ARHGAP26: variants seen among roughly 807,000 people sequenced by gnomAD.
ARHGAP26 encodes Rho GTPase activating protein 26.
ARHGAP26 carries 38 observed loss-of-function variants against 104.8 expected under a neutral mutation model. The observed-to-expected ratio is 0.36, with a 90% CI of 0.28 to 0.48. The LOEUF (loss-of-function observed/expected upper bound fraction) is 0.48, where lower values mean the gene tolerates loss of function less well. Among genes scored for constraint, ARHGAP26 ranks in the 20% least tolerant of loss-of-function variants. The pLI is 0.99. For synonymous variants in ARHGAP26, 341 were observed against 340.0 expected, an observed-to-expected ratio of 1.00 and a Z score of -0.03; for missense variants, 704 against 947.9, an observed-to-expected ratio of 0.74 and a Z score of 3.38.
intron 12 of ARHGAP26, among the ~76,000 whole-genome samples, chr5:143,032,285 G>C (rs1445876935): frequency 6.6e-6 from 1 of 151,752 alleles, no homozygotes; most frequent in African/African-American, 2.4e-5. Context: ...CTGAGGCTGA[G>C]GGAGGGAAGT....
At chr5:142,966,335 TA>T (rs1307725901) in intron 11 of ARHGAP26, among the ~76,000 whole-genome samples, 1 of 152,216 alleles carries the variant, frequency 6.6e-6, no homozygotes, top group African/African-American at 2.4e-5. Flanking sequence ...AACTTTGTAT[TA>T]TTTTTTTTAA....
intron 21 of ARHGAP26, among the ~76,000 whole-genome samples, chr5:143,212,999 G>A (rs1175715248): frequency 1.3e-5 from 2 of 152,164 alleles, no homozygotes; most frequent in Non-Finnish European, 1.5e-5. Flanking sequence ...CAATAAATTA[G>A]CCAGGCTTGG....
At chr5:143,138,098 ACTCT>A (rs1253181235) in intron 19 of ARHGAP26, among the ~76,000 whole-genome samples, 2 of 150,118 alleles carry the variant, frequency 1.3e-5, no homozygotes, top group African/African-American at 4.9e-5. Flanking sequence ...CCTGCCTGCG[ACTCT>A]CTCTCTTTAA....
intron 17 of ARHGAP26, among the ~76,000 whole-genome samples, chr5:143,084,030 C>T (rs922860629): frequency 2.6e-5 from 4 of 152,192 alleles, no homozygotes; most frequent in East Asian, 1.9e-4. Flanking sequence ...AGGCTCTCGC[C>T]GTCCACGTCA....
chr5:143,061,479 C>T (rs1296151211), intron 17 of ARHGAP26, among the ~76,000 whole-genome samples: 2 of 152,188 alleles, frequency 1.3e-5, no homozygotes, highest in South Asian at 2.1e-4. Flanking sequence ...TACCTTTTCA[C>T]AGCTGGTTTT....
At chr5:143,148,879 A>G (rs1799467783) in intron 20 of ARHGAP26, among the ~76,000 whole-genome samples, 2 of 152,324 alleles carry the variant, frequency 1.3e-5, no homozygotes, top group African/African-American at 4.8e-5. Context: ...TTGAATTTCT[A>G]GCCCAAGTTG....
Position 143,207,363 on chromosome 5 carries a change from T to A in ARHGAP26, c.2099+55T>A, listed in dbSNP as rs772940874. 1.9e-6 allele frequency: 3 copies of A among 1,614,070 alleles called. No individual in the cohort carries two copies. In the African/African-American group the frequency reaches 4.0e-5, roughly 22 times the overall value. On this transcript the variant is annotated intron_variant, in intron 21 of 22. Transcript: ENST00000645722. ...TTGCTGCCGTTGTTCTCTCATTGGC[T>A]CGGTCCTCTCTTCATGCAGTGTTCA...
chr5:143,107,682 G>A (rs1346055667), intron 17 of ARHGAP26, among the ~76,000 whole-genome samples: 1 of 152,156 alleles, frequency 6.6e-6, no homozygotes, highest in Non-Finnish European at 1.5e-5. Context: ...TGTGAATGTT[G>A]GGTGGATCAG....
chr5:143,070,371 C>A (rs533022678), intron 17 of ARHGAP26, among the ~76,000 whole-genome samples: 1 of 152,156 alleles, frequency 6.6e-6, no homozygotes, highest in Non-Finnish European at 1.5e-5. Flanking sequence ...TGTAGATTAT[C>A]CCTTCTTTGT....
chr5:142,868,707 C>G (rs1754756004), intron 1 of ARHGAP26: 1 of 152,662 alleles, frequency 6.6e-6, no homozygotes, highest in Non-Finnish European at 1.5e-5. Flanking sequence ...TCGGCTGGCT[C>G]TCTGGGGAGA....
chr5:142,984,753 A>G (rs1436236347), intron 11 of ARHGAP26, among the ~76,000 whole-genome samples: 1 of 152,198 alleles, frequency 6.6e-6, no homozygotes, highest in Non-Finnish European at 1.5e-5. Context: ...ACTGCAACAC[A>G]TCATTCATGT....
chr5:142,991,870 G>T (rs1040793473), intron 11 of ARHGAP26, among the ~76,000 whole-genome samples: 10 of 152,184 alleles, frequency 6.6e-5, no homozygotes, highest in Admixed American at 1.3e-4. Context: ...GTCATTAAGT[G>T]AGGCATGACT....
At chr5:142,825,843 C>G (rs895349513) in intron 1 of ARHGAP26, among the ~76,000 whole-genome samples, 1 of 152,146 alleles carries the variant, frequency 6.6e-6, no homozygotes, top group Non-Finnish European at 1.5e-5. Flanking sequence ...GTGTCCTTGG[C>G]GGAATCCCTC....
At chr5:143,093,648 CTT>C (rs1035931972) in intron 17 of ARHGAP26, among the ~76,000 whole-genome samples, 2 of 151,864 alleles carry the variant, frequency 1.3e-5, no homozygotes, top group Non-Finnish European at 2.9e-5. Context: ...CTCTTTCTCT[CTT>C]TCTTTCCTCT....
At chr5:143,083,943 G>T (rs918027688) in intron 17 of ARHGAP26, among the ~76,000 whole-genome samples, 1 of 152,186 alleles carries the variant, frequency 6.6e-6, no homozygotes, top group Admixed American at 6.5e-5. Context: ...AAAAATTAAG[G>T]CATGATTTTA....
intron 10 of ARHGAP26, among the ~76,000 whole-genome samples, chr5:142,915,266 G>T (rs1002240529): frequency 2.6e-5 from 4 of 151,934 alleles, no homozygotes; most frequent in African/African-American, 9.7e-5. Context: ...CTTGCGAGTC[G>T]ATTGCTCCTG....
chr5:143,109,992 C>T (rs1456624861), intron 17 of ARHGAP26, among the ~76,000 whole-genome samples: 3 of 152,182 alleles, frequency 2.0e-5, no homozygotes, highest in Non-Finnish European at 4.4e-5. Flanking sequence ...GCTCTCTGGG[C>T]TCCAGGTACA....
intron 10 of ARHGAP26, among the ~76,000 whole-genome samples, chr5:142,924,205 C>T (rs1231800110): frequency 6.6e-6 from 1 of 152,006 alleles, no homozygotes; most frequent in Non-Finnish European, 1.5e-5. Flanking sequence ...ACCCTTGCTT[C>T]CTCCCTCCCT....
intron 1 of ARHGAP26, among the ~76,000 whole-genome samples, chr5:142,863,491 G>T (rs114002840): frequency 6.6e-6 from 1 of 152,194 alleles, no homozygotes; most frequent in African/African-American, 2.4e-5. Context: ...AAGGAGACAC[G>T]CCATTTCTGG....
Sources: allele counts gnomAD v4.1 joint callset (sites outside exome capture counted in the v4.1 genomes callset), GRCh38; gene constraint gnomAD v4.1.1; transcripts MANE v1.5; gene names NCBI Gene and HGNC (gene_info 2026-07-23, HGNC 2026-07-21).